The following VPS13C variants were observed in gnomAD, a reference collection of about 807,000 sequenced individuals.
VPS13C encodes the protein intermembrane lipid transfer protein VPS13C.
Under a neutral mutation model 456.8 loss-of-function variants are expected in VPS13C, and 358 were observed. The observed-to-expected ratio is 0.78, with a 90% CI of 0.72 to 0.86. The LOEUF is 0.86. Ranked by LOEUF, VPS13C falls within the 40% of genes least tolerant of loss-of-function variation. VPS13C has a pLI of 0.00. For synonymous variants in VPS13C, 1,578 were observed against 1,486.7 expected (o/e 1.06, Z -1.41); for missense variants, 4,818 against 4,385.4 (o/e 1.10, Z -2.79).
intron 51 of VPS13C, among the ~76,000 whole-genome samples, chr15:61,928,697 T>A (rs374993611): frequency 8.1e-4 from 123 of 151,972 alleles, no homozygotes; most frequent in African/African-American, 2.9e-3. Context: ...CTGGGAAACA[T>A]GGCGAAGCCC....
At chr15:61,974,965 T>A (rs1373214125) in intron 24 of VPS13C, among the ~76,000 whole-genome samples, 1 of 152,138 alleles carries the variant, frequency 6.6e-6, no homozygotes. Context: ...GTTTCCCTAC[T>A]CAATGTAATT....
In VPS13C at chr15:61,878,747, C is replaced by A; in HGVS notation, c.10003-1G>T. 4 of 1,598,640 alleles carry A rather than the reference C, an allele frequency of 2.5e-6. No individual in the cohort carries two copies. Among genetic ancestry groups the A allele is most frequent in the South Asian group, 2.3e-5 (2 of 88,864 alleles). On this transcript the variant is annotated splice_acceptor_variant, in intron 73 of 84. Transcript: ENST00000644861. LOFTEE classifies it high-confidence loss of function. ...AACCCAAAGACAAACTCAAATGCAACTAAAAGAAAAATAATGTTCAATAAA... is the reference window on the plus strand; with the variant it reads ...AACCCAAAGACAAACTCAAATGCAAATAAAAGAAAAATAATGTTCAATAAA...
At chr15:61,940,566 C>A in intron 47 of VPS13C, 81 bp downstream of exon 47, 1 of 1,370,876 alleles carries the variant, frequency 7.3e-7, no homozygotes. Context: ...CTCCTACATT[C>A]TGATATCCAC....
At chr15:61,864,414 A>G in intron 81 of VPS13C, 1 of 879,056 alleles carries the variant, frequency 1.1e-6, no homozygotes, top group Non-Finnish European at 1.4e-6. Flanking sequence ...AATGCTAATG[A>G]AATACTATTA....
At chr15:62,012,082 G>A (rs1244168488) in intron 12 of VPS13C, 25 bp downstream of exon 12, 3 of 1,319,092 alleles carry the variant, frequency 2.3e-6, no homozygotes, top group Non-Finnish European at 3.2e-6. Flanking sequence ...CCTATAACAT[G>A]AAATAAACTT....
chr15:61,949,682 A>C (rs1245038839), intron 41 of VPS13C, 77 bp from the exon 42 acceptor site: 6 of 1,434,458 alleles, frequency 4.2e-6, no homozygotes, highest in Non-Finnish European at 5.6e-6. Flanking sequence ...AGATATAAGT[A>C]GCACAAGAAC....
In VPS13C at chr15:61,910,185, C is replaced by T. The variant is rs1340005699; in HGVS notation, c.8836G>A (p.Glu2946Lys). The T allele has an allele frequency of 1.5e-6, 2 of 1,378,364 alleles. No homozygotes were observed. Among genetic ancestry groups the T allele is most frequent in the South Asian group, 2.3e-5 (1 of 43,230 alleles). 85.4% of individuals were successfully genotyped at this position (1,378,364 alleles called of 1,614,324 possible). A position where few individuals can be genotyped will look rare whatever the true frequency, so the allele number is the denominator to read the frequency against. Residue 2946 changes from glutamate to lysine, a missense_variant, in exon 64 of 85, where the codon GAA becomes AAA. Glu to Lys is a moderately conservative substitution (Grantham distance 56). This residue lies in a region of VPS13C where 4,552 missense variants were observed against 4,130.6 expected (regional missense o/e 1.10). Coordinates refer to ENST00000644861, the MANE Select transcript of VPS13C (RefSeq NM_020821.3). ...AAAATATGAAAACTTACCAGATCTT[C>T]TAAGCTCAATAAAGTGCCATTATCC... ...RQDNGTLLSL[E>K]DLNGGILVDV...
intron 32 of VPS13C, 126 bp downstream of exon 32, chr15:61,963,709 C>T: frequency 1.5e-6 from 1 of 676,630 alleles, no homozygotes; most frequent in East Asian, 2.6e-5. Flanking sequence ...GCATACAATC[C>T]AATTACGTCT....
At chr15:61,971,693 G>C (rs1175353466) in intron 27 of VPS13C, among the ~76,000 whole-genome samples, 2 of 152,200 alleles carry the variant, frequency 1.3e-5, no homozygotes, top group Non-Finnish European at 2.9e-5. Flanking sequence ...TACAGTAGCA[G>C]CAGAAAGGAA....
chr15:61,894,822 G>A (rs187989696), intron 66 of VPS13C, among the ~76,000 whole-genome samples: 1 of 152,106 alleles, frequency 6.6e-6, no homozygotes, highest in Non-Finnish European at 1.5e-5. Context: ...CAGTAATAGA[G>A]AGATCATCCA....
intron 67 of VPS13C, among the ~76,000 whole-genome samples, chr15:61,888,931 T>C (rs1481312042): frequency 6.6e-6 from 1 of 152,136 alleles, no homozygotes; most frequent in East Asian, 1.9e-4. Flanking sequence ...ACCACACTAC[T>C]GCAAGATGTT....
intron 24 of VPS13C, among the ~76,000 whole-genome samples, chr15:61,974,812 G>C (rs1427087618): frequency 1.3e-5 from 2 of 152,014 alleles, no homozygotes; most frequent in Non-Finnish European, 2.9e-5. Flanking sequence ...ATAGCACTTG[G>C]CAGCACCTGA....
In VPS13C at chr15:61,885,192, A is replaced by C. The variant is rs139905373; in HGVS notation, c.9342-923T>G. Among the ~76,000 whole-genome samples the C allele has an allele frequency of 3.9e-3, 600 of 152,204 alleles. 3 individuals are homozygous for C. Among genetic ancestry groups the C allele is most frequent in the African/African-American group, 0.014 (565 of 41,556 alleles). Reference sequence around the variant, plus strand: ...CATCTTGATACTACCTGAGATTCAAACATTAGCTGTCTTCAAAATTGACTA... The same window carrying C: ...CATCTTGATACTACCTGAGATTCAACCATTAGCTGTCTTCAAAATTGACTA... On this transcript the variant is annotated intron_variant, in intron 67 of 84. Transcript: ENST00000644861.
At chr15:61,899,423 T>C (rs2042930033) in intron 66 of VPS13C, among the ~76,000 whole-genome samples, 1 of 150,976 alleles carries the variant, frequency 6.6e-6, no homozygotes, top group African/African-American at 2.4e-5. Flanking sequence ...AAAGGGGATA[T>C]CACCACCGAT....
At chr15:61,897,388 A>C (rs1042987878) in intron 66 of VPS13C, among the ~76,000 whole-genome samples, 2 of 152,214 alleles carry the variant, frequency 1.3e-5, no homozygotes, top group African/African-American at 4.8e-5. Context: ...TAGAATAACC[A>C]ATACAGAGAA....
chr15:61,985,997 T>C (rs143392846), intron 18 of VPS13C, among the ~76,000 whole-genome samples: 2 of 152,030 alleles, frequency 1.3e-5, no homozygotes, highest in Non-Finnish European at 2.9e-5. Context: ...AAAGGTGAAC[T>C]GGAAGCAGGC....
At position 61,882,555 on chromosome 15, in the gene VPS13C, C is replaced by T. The variant is rs771445955; in HGVS notation, c.9624+41G>A. The T allele has an allele frequency of 1.8e-5, 26 of 1,442,420 alleles. 1 individual carries two copies. In the Admixed American group the frequency reaches 6.6e-4, roughly 36 times the overall value. 89.4% of individuals were successfully genotyped at this position (1,442,420 alleles called of 1,614,324 possible). A position where few individuals can be genotyped will look rare whatever the true frequency, so the allele number is the denominator to read the frequency against. ...AAAGAAATTTCATTCCCAAGATTCC[C>T]AAAGTGATGATAAATACTTATTTGA... On this transcript the variant is annotated intron_variant, in intron 69 of 84. Coordinates refer to ENST00000644861, the MANE Select transcript of VPS13C (RefSeq NM_020821.3).
Position 61,942,056 on chromosome 15 carries a change from G to C in VPS13C, c.5160C>G (p.Asn1720Lys). 1 of 1,580,850 alleles carries C rather than the reference G, an allele frequency of 6.3e-7. No homozygotes were observed. Among genetic ancestry groups the C allele is most frequent in the Non-Finnish European group, 8.6e-7 (1 of 1,159,766 alleles). The change falls in exon 46 of 85, where the codon AAC (asparagine) becomes AAG (lysine). Residue 1720 changes from asparagine (N) to lysine (K), a missense_variant. Asn to Lys is a moderately conservative substitution (Grantham distance 94, BLOSUM62 0). Coordinates refer to ENST00000644861, the MANE Select transcript of VPS13C (RefSeq NM_020821.3). ...AAGCTTCTTTAGCAGTTTGGAAATTGTTGAGGAAGTTCTGTTGGAAGAGAC... is the reference window on the plus strand; with the variant it reads ...AAGCTTCTTTAGCAGTTTGGAAATTCTTGAGGAAGTTCTGTTGGAAGAGAC... ...KFFMSLLNFL[N>K]NFQTAKEALS...
intron 15 of VPS13C, among the ~76,000 whole-genome samples, chr15:62,005,940 G>A (rs1309472034): frequency 6.6e-6 from 1 of 151,350 alleles, no homozygotes; most frequent in Non-Finnish European, 1.5e-5. Context: ...CAGACCTCAG[G>A]TGATCCGCCC....
Sources: allele counts gnomAD v4.1 joint callset (sites outside exome capture counted in the v4.1 genomes callset), GRCh38; gene constraint gnomAD v4.1.1; regional missense constraint gnomAD v4.1.1; transcripts MANE v1.5; gene names NCBI Gene and HGNC (gene_info 2026-07-23, HGNC 2026-07-21).